The following SRD5A2 variants were observed in gnomAD, a reference collection of about 807,000 sequenced individuals.
SRD5A2 encodes the protein steroid 5 alpha-reductase 2, also known as 3-oxo-5-alpha-steroid 4-dehydrogenase 2.
A neutral mutation model predicts 27.4 loss-of-function variants in SRD5A2; 30 were observed. The ratio of observed to expected loss-of-function variants is 1.10; its 90% CI spans 0.82 to 1.49. The LOEUF is 1.49. Among genes scored for constraint, SRD5A2 ranks in the 40% most tolerant of loss-of-function variants. The pLI, the probability that SRD5A2 is intolerant of heterozygous loss-of-function variation, is 0.00. For synonymous variants in SRD5A2, 141 were observed against 133.6 expected, an observed-to-expected ratio of 1.06 and a Z score of -0.38; for missense variants, 348 against 323.4, an observed-to-expected ratio of 1.08 and a Z score of -0.58.
the SRD5A2 span, chr2:31,651,335 A>G: frequency 2.2e-5 from 4 of 181,636 alleles, no homozygotes; most frequent in Non-Finnish European, 5.1e-5. Context: ...CAGACAATAA[A>G]TACAATTTAT....
At chr2:31,659,985 T>C in the SRD5A2 span, among the ~76,000 whole-genome samples, 1 of 152,140 alleles carries the variant, frequency 6.6e-6, no homozygotes, top group Non-Finnish European at 1.5e-5. Flanking sequence ...CTCATTAATC[T>C]TTTCTTCTCC....
intron 2 of SRD5A2, among the ~76,000 whole-genome samples, chr2:31,531,674 G>T (rs552936461): frequency 2.0e-5 from 3 of 149,974 alleles, no homozygotes; most frequent in African/African-American, 7.4e-5. Context: ...CCTAGACTTG[G>T]GCTGAAAGTA....
the SRD5A2 span, among the ~76,000 whole-genome samples, chr2:31,602,941 A>G: frequency 2.0e-5 from 3 of 152,034 alleles, no homozygotes; most frequent in Admixed American, 6.6e-5. Context: ...ACTTAAATGT[A>G]AAACACCAAA....
the SRD5A2 span, among the ~76,000 whole-genome samples, chr2:31,586,965 T>C: frequency 6.6e-6 from 1 of 152,104 alleles, no homozygotes; most frequent in Non-Finnish European, 1.5e-5. Context: ...TTGAGAAATC[T>C]CAAAGAAATT....
At chr2:31,552,034 G>T (rs566936314) in intron 1 of SRD5A2, among the ~76,000 whole-genome samples, 2 of 151,762 alleles carry the variant, frequency 1.3e-5, no homozygotes, top group Middle Eastern at 6.8e-3. Context: ...ATCCATAAAA[G>T]GAAAACTCAT....
In SRD5A2 at chr2:31,522,802, G is replaced by T. The variant is rs1476271866; in HGVS notation, c.*3394C>A. On this transcript the variant is annotated 3_prime_UTR_variant, in exon 5 of 5. Transcript: ENST00000622030. ...TGCCGTTACCCTCCTTGTTTTCCCT[G>T]CATGGACCTCAGCTCACAGCTTATT... 1 of 221,624 alleles carries T rather than the reference G, an allele frequency of 4.5e-6. No individual in the cohort carries two copies. Among genetic ancestry groups the T allele is most frequent in the Non-Finnish European group, 9.0e-6 (1 of 110,822 alleles). 13.7% of individuals were successfully genotyped at this position (221,624 alleles called of 1,614,324 possible). A position where few individuals can be genotyped will look rare whatever the true frequency, so the allele number is the denominator to read the frequency against.
At chr2:31,591,668 T>G in the SRD5A2 span, among the ~76,000 whole-genome samples, 1 of 149,650 alleles carries the variant, frequency 6.7e-6, no homozygotes, top group Admixed American at 6.7e-5. Flanking sequence ...TTCACAACAG[T>G]GAAGACTTGG....
chr2:31,581,781 T>A (rs984567107), upstream of SRD5A2, among the ~76,000 whole-genome samples: 2 of 152,118 alleles, frequency 1.3e-5, no homozygotes, highest in Admixed American at 6.5e-5. Context: ...CTTTCCCAGC[T>A]CCTAGAGCCA....
At chr2:31,658,869 G>C in the SRD5A2 span, among the ~76,000 whole-genome samples, 9 of 152,026 alleles carry the variant, frequency 5.9e-5, no homozygotes, top group East Asian at 1.4e-3. Flanking sequence ...CATCCTATGA[G>C]GCCAGCATCA....
Position 31,526,085 on chromosome 2 carries a change from A to G in SRD5A2, c.*111T>C. The G allele has an allele frequency of 1.4e-6, 1 of 703,568 alleles. No individual in the cohort carries two copies. Among genetic ancestry groups the G allele is most frequent in the Non-Finnish European group, 2.4e-6 (1 of 417,658 alleles). The allele number at this position is 703,568 out of a possible 1,614,324, so 43.6% of individuals were successfully genotyped here. A position where few individuals can be genotyped will look rare whatever the true frequency, so the allele number is the denominator to read the frequency against. On this transcript the variant is annotated 3_prime_UTR_variant, in exon 5 of 5. Coordinates refer to ENST00000622030, the MANE Select transcript of SRD5A2 (RefSeq NM_000348.4). ...AGGCCAGCTGGCAGAACGCCAGGAGACCTACTATTACATATATACGGGACT... is the reference window on the plus strand; with the variant it reads ...AGGCCAGCTGGCAGAACGCCAGGAGGCCTACTATTACATATATACGGGACT...
At chr2:31,656,992 T>C in the SRD5A2 span, among the ~76,000 whole-genome samples, 1 of 152,174 alleles carries the variant, frequency 6.6e-6, no homozygotes, top group African/African-American at 2.4e-5. Context: ...TTCAATGTCG[T>C]TGAAAACAAA....
At chr2:31,588,824 A>T in the SRD5A2 span, among the ~76,000 whole-genome samples, 4 of 152,178 alleles carry the variant, frequency 2.6e-5, no homozygotes, top group African/African-American at 9.7e-5. Flanking sequence ...CCAATAAAAA[A>T]TCATAACTAT....
chr2:31,556,827 T>C (rs1026179275), intron 1 of SRD5A2, among the ~76,000 whole-genome samples: 3 of 152,222 alleles, frequency 2.0e-5, no homozygotes, highest in Admixed American at 1.3e-4. Context: ...TATTACACTA[T>C]TGAGATCAAT....
chr2:31,638,791 A>T, the SRD5A2 span, among the ~76,000 whole-genome samples: 1 of 150,272 alleles, frequency 6.7e-6, no homozygotes. Flanking sequence ...TTTTACTTTC[A>T]GCCTATGTGT....
chr2:31,587,520 T>C, the SRD5A2 span, among the ~76,000 whole-genome samples: 7 of 152,122 alleles, frequency 4.6e-5, no homozygotes, highest in Admixed American at 1.3e-4. Flanking sequence ...AATGGTAGAC[T>C]GGATAAGGAA....
intron 1 of SRD5A2, among the ~76,000 whole-genome samples, chr2:31,553,048 A>G (rs1666412379): frequency 6.6e-6 from 1 of 152,198 alleles, no homozygotes; most frequent in Admixed American, 6.5e-5. Context: ...GTAATACCTG[A>G]AAAATGAGAT....
the SRD5A2 span, among the ~76,000 whole-genome samples, chr2:31,635,208 G>GT: frequency 6.6e-6 from 1 of 151,968 alleles, no homozygotes; most frequent in African/African-American, 2.4e-5. Flanking sequence ...ATGTGTTATT[G>GT]TTATTGCCAC....
chr2:31,566,097 C>A (rs553308124), intron 1 of SRD5A2, among the ~76,000 whole-genome samples: 2 of 152,096 alleles, frequency 1.3e-5, no homozygotes, highest in Non-Finnish European at 2.9e-5. Context: ...CTAAATAACA[C>A]CCTTCTAAAT....
At position 31,523,491 on chromosome 2, in the gene SRD5A2, G is replaced by A. The variant is rs191247424; in HGVS notation, c.*2705C>T. The A allele has an allele frequency of 2.1e-3, 458 of 221,210 alleles. 1 individual carries two copies. Among genetic ancestry groups the A allele is most frequent in the African/African-American group, 9.9e-3 (443 of 44,778 alleles). The allele number at this position is 221,210 out of a possible 1,614,324, so 13.7% of individuals were successfully genotyped here. A position where few individuals can be genotyped will look rare whatever the true frequency, so the allele number is the denominator to read the frequency against. ...CTGTGAGGAGGCCTTTTAACTCTGT[G>A]GGTCTCAGTGTCACTACCTATAATG... On this transcript the variant is annotated 3_prime_UTR_variant, in exon 5 of 5. Transcript: ENST00000622030.
Sources: allele counts gnomAD v4.1 joint callset (sites outside exome capture counted in the v4.1 genomes callset), GRCh38; gene constraint gnomAD v4.1.1; transcripts MANE v1.5; gene names NCBI Gene and HGNC (gene_info 2026-07-23, HGNC 2026-07-21).